OGFR: variants seen among roughly 807,000 people sequenced by gnomAD.
OGFR encodes protein 7-60.
OGFR carries 18 observed loss-of-function variants against 33.6 expected under a neutral mutation model. The ratio of observed to expected loss-of-function variants is 0.54; its 90% CI spans 0.37 to 0.80. The LOEUF (loss-of-function observed/expected upper bound fraction) is 0.80. OGFR is among the 30% of genes least tolerant of loss of function. OGFR has a pLI of 0.00. For synonymous variants in OGFR, 370 were observed against 400.7 expected (o/e 0.92, Z 0.91); for missense variants, 877 against 955.8 (o/e 0.92, Z 1.09).
chr20:62,806,634 G>C (rs1344213976), intron 1 of OGFR: 1 of 152,226 alleles, frequency 6.6e-6, no homozygotes, highest in Non-Finnish European at 1.5e-5. Flanking sequence ...GCTCAGCGGG[G>C]AGCCAGGGGA....
rs1310418038 is a variant in OGFR at position 62,813,413 on chromosome 20, GA to G, written c.1799del (p.Glu600GlyfsTer114). The part of the protein sequence containing the change: ...TRDEPAESPS[E>X]TPGPRPAGPA... ...GGATGAGCCAGCCGAGAGCCCATCGGAGACCCCAGGCCCCCGCCCGGCAGGA... is the reference window on the plus strand; with the variant it reads ...GGATGAGCCAGCCGAGAGCCCATCGGGACCCCAGGCCCCCGCCCGGCAGGA... On this transcript the variant is annotated frameshift_variant, in exon 7 of 7. Transcript: ENST00000290291. LOFTEE classifies it low-confidence loss of function (END_TRUNC). The G allele has an allele frequency of 1.3e-6, 2 of 1,541,832 alleles. No individual in the cohort carries two copies. The highest frequency in any genetic ancestry group is 1.7e-6 in the Non-Finnish European group (2 of 1,157,932).
At position 62,804,850 on chromosome 20, in the gene OGFR, GC is replaced by G; in HGVS notation, c.-8del. On this transcript the variant is annotated 5_prime_UTR_variant, in exon 1 of 7. Coordinates refer to ENST00000290291, the MANE Select transcript of OGFR (RefSeq NM_007346.4). ...TTCCGCCTCCAGCGCGAGCCCCGCC[GC>G]CGCCGAGCATGGACGACCCCGACTG... The G allele has an allele frequency of 1.7e-6, 2 of 1,199,284 alleles. No individual in the cohort carries two copies. Among genetic ancestry groups the G allele is most frequent in the Non-Finnish European group, 2.1e-6 (2 of 942,486 alleles). 74.3% of individuals were successfully genotyped at this position (1,199,284 alleles called of 1,614,324 possible).
rs1335182513 is a variant in OGFR at position 62,813,800 on chromosome 20, C to G, written c.*151C>G. The G allele has an allele frequency of 4.4e-6, 4 of 901,562 alleles. No homozygotes were observed. Among genetic ancestry groups the G allele is most frequent in the African/African-American group, 1.7e-5 (1 of 59,462 alleles). The allele number at this position is 901,562 out of a possible 1,614,324, so 55.8% of individuals were successfully genotyped here. A position where few individuals can be genotyped will look rare whatever the true frequency, so the allele number is the denominator to read the frequency against. ...GCCTCCTGTGGGGCCACTATAGCAG[C>G]CACCAGAAGCCGCGAGGCCCTCAGG... On this transcript the variant is annotated 3_prime_UTR_variant, in exon 7 of 7. Coordinates refer to ENST00000290291, the MANE Select transcript of OGFR (RefSeq NM_007346.4).
intron 5 of OGFR, 45 bp from the exon 6 acceptor site, chr20:62,811,417 G>A: frequency 1.9e-6 from 3 of 1,601,882 alleles, no homozygotes; most frequent in Non-Finnish European, 2.6e-6. Context: ...CAGGAACCGG[G>A]GCTTCAGGGA....
chr20:62,811,701 G>A (rs780738271), intron 6 of OGFR, 91 bp downstream of exon 6: 599 of 1,379,566 alleles, frequency 4.3e-4, no homozygotes, highest in Non-Finnish European at 5.6e-4. Context: ...TGCTGCAGAC[G>A]GAGAACTCCA....
At position 62,810,399 on chromosome 20, in the gene OGFR, C is replaced by T. The variant is rs572241164; in HGVS notation, c.399-100C>T. Reference sequence around the variant, plus strand: ...CCTCCTAGAGTTGAGCCTGGGAACCCAGAGGGGATTGGAACTGCCCCGGGC... The same window carrying T: ...CCTCCTAGAGTTGAGCCTGGGAACCTAGAGGGGATTGGAACTGCCCCGGGC... On this transcript the variant is annotated intron_variant, in intron 4 of 6. Transcript: ENST00000290291. 77 of 1,174,396 alleles carry T rather than the reference C, an allele frequency of 6.6e-5. No homozygotes were observed. The African/African-American group carries it at 1.0e-3, about 16-fold the overall frequency. 72.7% of individuals were successfully genotyped at this position (1,174,396 alleles called of 1,614,324 possible).
Position 62,812,894 on chromosome 20 carries a change from G to C in OGFR, c.1279G>C (p.Gly427Arg). 6.2e-7 allele frequency: 1 copy of C among 1,612,544 alleles called. No homozygotes were observed. Among genetic ancestry groups the C allele is most frequent in the Non-Finnish European group, 8.5e-7 (1 of 1,179,916 alleles). The change falls in exon 7 of 7, where the codon GGG (glycine) becomes CGG (arginine). Residue 427 changes from glycine (G) to arginine (R), a missense_variant. Transcript: ENST00000290291. ...CCTCAGCCAGGGCAGCCTCAGGACGGGGACCCAGGAAGTGGGCGGTCAGGA... is the reference window on the plus strand; with the variant it reads ...CCTCAGCCAGGGCAGCCTCAGGACGCGGACCCAGGAAGTGGGCGGTCAGGA... Reference protein sequence around the residue: ...CALSQGSLRTGTQEVGGQDPG... With the variant: ...CALSQGSLRTRTQEVGGQDPG...
rs748822231 is a variant in OGFR, at chr20:62,812,862, G to A, written c.1247G>A (p.Gly416Glu). The change falls in exon 7 of 7, where the codon GGG becomes GAG. Residue 416 changes from glycine to glutamate, a missense_variant. Physicochemically the swap from Gly to Glu is moderately conservative, Grantham distance 98. Around this residue, in one of 3 missense-constraint regions of OGFR, gnomAD observed 760 missense variants for 736.0 expected, o/e 1.03. Coordinates refer to ENST00000290291, the MANE Select transcript of OGFR (RefSeq NM_007346.4). ...EVEKIALNLE[G>E]CALSQGSLRT... ...GAGAAGATCGCTCTGAATTTGGAGG[G>A]GTGTGCCCTCAGCCAGGGCAGCCTC... 2.2e-5 allele frequency: 35 copies of A among 1,612,582 alleles called. No individual in the cohort carries two copies. In the South Asian group the frequency reaches 3.2e-4, roughly 15 times the overall value.
intron 3 of OGFR, among the ~76,000 whole-genome samples, chr20:62,808,744 C>CG (rs1296843775): frequency 6.6e-5 from 10 of 152,016 alleles, no homozygotes; most frequent in African/African-American, 2.4e-4. Context: ...GAGGCCAAGG[C>CG]GGGTGGATCA....
At chr20:62,809,242 C>A (rs538712665) in intron 3 of OGFR, among the ~76,000 whole-genome samples, 8 of 152,124 alleles carry the variant, frequency 5.3e-5, no homozygotes, top group African/African-American at 1.4e-4. Flanking sequence ...TGACGGGCCA[C>A]GCTTTTGCAG....
At position 62,813,879 on chromosome 20, in the gene OGFR, C is replaced by A; in HGVS notation, c.*230C>A. The A allele has an allele frequency of 1.7e-6, 1 of 598,510 alleles. No homozygotes were observed. The highest frequency in any genetic ancestry group is 3.0e-6 in the Non-Finnish European group (1 of 338,172). 37.1% of individuals were successfully genotyped at this position (598,510 alleles called of 1,614,324 possible). ...GCCTGGCTGTGTCTTCCCCACCCAG[C>A]TCTCCCCTGCGCCCCTGTCTTTGTA... On this transcript the variant is annotated 3_prime_UTR_variant, in exon 7 of 7. Transcript: ENST00000290291.
intron 3 of OGFR, 84 bp from the exon 4 acceptor site, chr20:62,809,501 C>A: frequency 9.9e-7 from 1 of 1,014,514 alleles, no homozygotes. Context: ...AGCACTCTCT[C>A]CTTATGTCCC....
In OGFR at chr20:62,807,690, G is replaced by T. The variant is rs1021626642; in HGVS notation, c.240+85G>T. 18 of 1,409,778 alleles carry T rather than the reference G, an allele frequency of 1.3e-5. No homozygotes were observed. The Admixed American group carries it at 2.4e-4, about 19-fold the overall frequency. The allele number at this position is 1,409,778 out of a possible 1,614,324, so 87.3% of individuals were successfully genotyped here. A position where few individuals can be genotyped will look rare whatever the true frequency, so the allele number is the denominator to read the frequency against. ...AGAATGTCCCAGGTTCTACTGGAAG[G>T]CTGGCCTGGCTTGCTGTGCCAGGGC... On this transcript the variant is annotated intron_variant, in intron 2 of 6. Coordinates refer to ENST00000290291, the MANE Select transcript of OGFR (RefSeq NM_007346.4).
intron 3 of OGFR, among the ~76,000 whole-genome samples, chr20:62,808,974 CAAAAAAAAAAAAAAA>C (rs5842400): frequency 2.9e-5 from 2 of 68,412 alleles, no homozygotes; most frequent in East Asian, 7.0e-4. Flanking sequence ...GACTCTGTCT[CAAAAAAAAAAAAAAA>C]AAAAAAAAAA....
At position 62,812,462 on chromosome 20, in the gene OGFR, A is replaced by G. The variant is rs748335589; in HGVS notation, c.847A>G (p.Lys283Glu). 1 of 1,580,152 alleles carries G rather than the reference A, an allele frequency of 6.3e-7. No individual in the cohort carries two copies. The highest frequency in any genetic ancestry group is 1.8e-5 in the Admixed American group (1 of 55,404). ...CTGGGAGCACTTCCGGCCCCGCTGC[A>G]AGTTCGTCTGGGGGCCCCAAGACAA... ...FAWEHFRPRC[K>E]FVWGPQDKLR... is the part of the protein sequence containing the mutation. The change falls in exon 7 of 7, where the codon AAG becomes GAG. Residue 283 changes from lysine (K) to glutamate (E), a missense_variant. This residue lies in a region of OGFR where 760 missense variants were observed against 736.0 expected (regional missense o/e 1.03). Coordinates refer to ENST00000290291, the MANE Select transcript of OGFR (RefSeq NM_007346.4).
chr20:62,810,700 C>T (rs1001853305), intron 5 of OGFR, 135 bp downstream of exon 5: 52 of 701,266 alleles, frequency 7.4e-5, no homozygotes, highest in South Asian at 7.4e-4. Flanking sequence ...GCAGAAGGGC[C>T]GAAAGAGCCT....
At chr20:62,808,973 T>TC (rs1990660974) in intron 3 of OGFR, among the ~76,000 whole-genome samples, 1 of 30,634 alleles carries the variant, frequency 3.3e-5, no homozygotes, top group East Asian at 6.9e-4. Context: ...AGACTCTGTC[T>TC]CAAAAAAAAA....
At chr20:62,806,129 T>G (rs1205934640) in intron 1 of OGFR, 2 of 152,192 alleles carry the variant, frequency 1.3e-5, no homozygotes, top group African/African-American at 4.8e-5. Context: ...TGTGGCCACA[T>G]CCAGTCAGGA....
Position 62,813,705 on chromosome 20 carries a change from G to C in OGFR, c.*56G>C, listed in dbSNP as rs763715109. On this transcript the variant is annotated 3_prime_UTR_variant, in exon 7 of 7. Coordinates refer to ENST00000290291, the MANE Select transcript of OGFR (RefSeq NM_007346.4). ...TCCTGTCCCTGCTGCAGGGGCTGGGGCCTCCGGAGCTGCTGCGGGCTCCCC... is the reference window on the plus strand; with the variant it reads ...TCCTGTCCCTGCTGCAGGGGCTGGGCCCTCCGGAGCTGCTGCGGGCTCCCC... 1.3e-6 allele frequency: 2 copies of C among 1,587,984 alleles called. No homozygotes were observed. The highest frequency in any genetic ancestry group is 2.2e-5 in the South Asian group (2 of 89,984).
Sources: allele counts gnomAD v4.1 joint callset (sites outside exome capture counted in the v4.1 genomes callset), GRCh38; gene constraint gnomAD v4.1.1; regional missense constraint gnomAD v4.1.1; transcripts MANE v1.5; gene names NCBI Gene and HGNC (gene_info 2026-07-23, HGNC 2026-07-21).